The following SIPA1L1 variants were observed in gnomAD, a reference collection of about 807,000 sequenced individuals.
SIPA1L1 encodes the protein signal-induced proliferation-associated 1-like protein 1.
In SIPA1L1, 26 loss-of-function variants were observed where a neutral mutation model predicts 162.7. The ratio of observed to expected loss-of-function variants is 0.16; its 90% CI spans 0.12 to 0.22. The LOEUF (loss-of-function observed/expected upper bound fraction) is 0.22, where lower values mean the gene tolerates loss of function less well. Ranked by LOEUF, SIPA1L1 falls within the 10% of genes least tolerant of loss-of-function variation. The pLI, the probability that SIPA1L1 is intolerant of heterozygous loss-of-function variation, is 1.00. For synonymous variants in SIPA1L1, 829 were observed against 837.4 expected, an observed-to-expected ratio of 0.99 and a Z score of 0.17; for missense variants, 1,874 against 2,241.0, an observed-to-expected ratio of 0.84 and a Z score of 3.31.
At chr14:71,486,308 T>C (rs2048752683) in intron 2 of SIPA1L1, among the ~76,000 whole-genome samples, 1 of 152,288 alleles carries the variant, frequency 6.6e-6, no homozygotes, top group African/African-American at 2.4e-5. Flanking sequence ...GTGGTGTTTC[T>C]ATCAAGTCAT....
chr14:71,567,899 A>G (rs1397515863), intron 4 of SIPA1L1, among the ~76,000 whole-genome samples: 1 of 152,258 alleles, frequency 6.6e-6, no homozygotes, highest in African/African-American at 2.4e-5. Flanking sequence ...TTTAGACCAT[A>G]TAGGACAACT....
chr14:71,493,866 G>A (rs1348125552), intron 2 of SIPA1L1, among the ~76,000 whole-genome samples: 1 of 152,166 alleles, frequency 6.6e-6, no homozygotes, highest in African/African-American at 2.4e-5. Context: ...TCAGCATTTT[G>A]TTTGTTTTTT....
At chr14:71,534,388 G>A (rs899397054) in intron 4 of SIPA1L1, among the ~76,000 whole-genome samples, 14 of 152,266 alleles carry the variant, frequency 9.2e-5, no homozygotes, top group African/African-American at 3.4e-4. Flanking sequence ...ATTCGTGGCA[G>A]CAAATATCTT....
At chr14:71,656,772 G>A (rs973551461) in intron 8 of SIPA1L1, among the ~76,000 whole-genome samples, 4 of 152,228 alleles carry the variant, frequency 2.6e-5, no homozygotes, top group Admixed American at 2.6e-4. Flanking sequence ...CTGTCTGCAA[G>A]CCACAGTTGT....
intron 20 of SIPA1L1, among the ~76,000 whole-genome samples, chr14:71,730,626 A>ATTAAGT (rs2084677673): frequency 6.6e-6 from 1 of 152,176 alleles, no homozygotes; most frequent in African/African-American, 2.4e-5. Context: ...CTAGCACTAG[A>ATTAAGT]TTAGTTAGTT....
At chr14:71,532,454 C>T (rs937564471) in intron 4 of SIPA1L1, among the ~76,000 whole-genome samples, 3 of 152,028 alleles carry the variant, frequency 2.0e-5, no homozygotes, top group South Asian at 2.1e-4. Flanking sequence ...GTTTTTGTAC[C>T]GCCAGATGAA....
chr14:71,544,150 C>A (rs577437744), intron 4 of SIPA1L1, among the ~76,000 whole-genome samples: 2 of 150,214 alleles, frequency 1.3e-5, no homozygotes, highest in Non-Finnish European at 3.0e-5. Context: ...CATATATGCA[C>A]GTGTGTGTAT....
intron 5 of SIPA1L1, among the ~76,000 whole-genome samples, chr14:71,605,024 ATATTT>A: frequency 6.6e-6 from 1 of 152,062 alleles, no homozygotes; most frequent in Non-Finnish European, 1.5e-5. Flanking sequence ...GAAAATTTGA[ATATTT>A]GATTGCTTTA....
chr14:71,463,525 C>T (rs1461874326), intron 2 of SIPA1L1, among the ~76,000 whole-genome samples: 3 of 152,142 alleles, frequency 2.0e-5, no homozygotes, highest in Non-Finnish European at 4.4e-5. Context: ...GATCATTTCC[C>T]TTTCCCCAGT....
At chr14:71,523,985 G>A (rs984387525) in intron 3 of SIPA1L1, among the ~76,000 whole-genome samples, 1 of 152,110 alleles carries the variant, frequency 6.6e-6, no homozygotes, top group African/African-American at 2.4e-5. Flanking sequence ...AGTAGTCCTG[G>A]TTCTTTTTAT....
chr14:71,343,377 T>G (rs1336759368), intron 2 of SIPA1L1, among the ~76,000 whole-genome samples: 2 of 152,186 alleles, frequency 1.3e-5, no homozygotes, highest in African/African-American at 4.8e-5. Flanking sequence ...TAGATAACAC[T>G]GCAGTTCTGT....
At position 71,672,342 on chromosome 14, in the gene SIPA1L1, G is replaced by C. The variant is rs774025961; in HGVS notation, c.2830-6G>C. On this transcript the variant is annotated splice_region_variant and splice_polypyrimidine_tract_variant and intron_variant, in intron 11 of 23. Coordinates refer to ENST00000381232, the MANE Select transcript of SIPA1L1 (RefSeq NM_001386936.1). The stretch of plus-strand genomic sequence containing the variant: ...AAACCACAGTATCTTTTATTTCCTT[G>C]TCTAGTTTGTTTCAAAAGGCTGTGA... The C allele has an allele frequency of 9.9e-6, 16 of 1,613,726 alleles. No individual in the cohort carries two copies. The highest frequency in any genetic ancestry group is 1.4e-5 in the Non-Finnish European group (16 of 1,179,674).
intron 17 of SIPA1L1, among the ~76,000 whole-genome samples, chr14:71,712,981 A>G (rs2082989147): frequency 6.6e-6 from 1 of 152,126 alleles, no homozygotes; most frequent in African/African-American, 2.4e-5. Context: ...TTCACCCAAT[A>G]TGTTCATCCT....
rs2085022978 is a variant in SIPA1L1 at position 71,733,720 on chromosome 14, A to C, written c.4916A>C (p.Gln1639Pro). The C allele has an allele frequency of 6.2e-7, 1 of 1,614,006 alleles. No homozygotes were observed. Among genetic ancestry groups the C allele is most frequent in the Non-Finnish European group, 8.5e-7 (1 of 1,180,024 alleles). The change falls in exon 21 of 24, where the codon CAG becomes CCG. Residue 1639 changes from glutamine (Q) to proline (P), a missense_variant. Transcript: ENST00000381232. ...SLTDIQETRR[Q>P]PMPDPGLMPL... ...ACTGACATCCAGGAGACCCGCAGGCAGCCTATGCCCGACCCTGGCCTGATG... is the reference window on the plus strand; with the variant it reads ...ACTGACATCCAGGAGACCCGCAGGCCGCCTATGCCCGACCCTGGCCTGATG...
chr14:71,417,956 A>G (rs1440652752), intron 2 of SIPA1L1, among the ~76,000 whole-genome samples: 1 of 152,144 alleles, frequency 6.6e-6, no homozygotes, highest in Non-Finnish European at 1.5e-5. Context: ...TCCAAAGCCC[A>G]TTTCTTTGTT....
chr14:71,593,816 G>C (rs1431576637), intron 5 of SIPA1L1, among the ~76,000 whole-genome samples: 1 of 152,144 alleles, frequency 6.6e-6, no homozygotes, highest in Non-Finnish European at 1.5e-5. Context: ...CTGATCAACA[G>C]TGTTGATAGG....
chr14:71,380,529 G>A (rs1394117894), intron 2 of SIPA1L1, among the ~76,000 whole-genome samples: 1 of 152,218 alleles, frequency 6.6e-6, no homozygotes, highest in Non-Finnish European at 1.5e-5. Context: ...ATCCTGGGAT[G>A]TTATCTGCCT....
At position 71,723,764 on chromosome 14, in the gene SIPA1L1, TTC is replaced by T; in HGVS notation, c.4327_4328del (p.Ser1443LeufsTer7). On this transcript the variant is annotated frameshift_variant, in exon 18 of 24. Transcript: ENST00000381232. LOFTEE classifies it high-confidence loss of function. Reference sequence around the variant, plus strand: ...AGCTCGCACCATCCTTCTCCTCCTCTTCCTCCTCCTCCTCTGGTCCTAGGAGT... The same window carrying T: ...AGCTCGCACCATCCTTCTCCTCCTCTCTCCTCCTCCTCTGGTCCTAGGAGT... Reference protein sequence around the residue: ...SQLAPSFSSSSSSSSGPRSFY... With the variant: ...SQLAPSFSSSXSSSSGPRSFY... 6.2e-7 allele frequency: 1 copy of T among 1,614,110 alleles called. No homozygotes were observed. The highest frequency in any genetic ancestry group is 8.5e-7 in the Non-Finnish European group (1 of 1,179,986).
intron 11 of SIPA1L1, 32 bp downstream of exon 11, chr14:71,671,724 G>T: frequency 6.7e-7 from 1 of 1,501,294 alleles, no homozygotes; most frequent in African/African-American, 1.4e-5. Flanking sequence ...CTTACATGCA[G>T]TTTCTCTTTC....
Sources: allele counts gnomAD v4.1 joint callset (sites outside exome capture counted in the v4.1 genomes callset), GRCh38; gene constraint gnomAD v4.1.1; transcripts MANE v1.5; gene names NCBI Gene and HGNC (gene_info 2026-07-23, HGNC 2026-07-21).